Variants in EML5 observed in about 807,000 individuals in gnomAD.
EML5 encodes the protein echinoderm microtubule-associated protein-like 5.
EML5 carries 120 observed loss-of-function variants against 250.0 expected under a neutral mutation model. That is an observed-to-expected ratio of 0.48 (90% CI 0.41 to 0.56). The LOEUF is 0.56. EML5 is among the 20% of genes least tolerant of loss of function. The pLI is 0.00. For missense variants in EML5, 2,006 were observed against 2,437.6 expected, an observed-to-expected ratio of 0.82 and a Z score of 3.73; for synonymous variants, 771 against 806.5, an observed-to-expected ratio of 0.96 and a Z score of 0.75.
At chr14:88,743,939 G>T in intron 4 of EML5, 84 bp downstream of exon 4, 1 of 830,172 alleles carries the variant, frequency 1.2e-6, no homozygotes, top group Non-Finnish European at 1.7e-6. Context: ...AATTCTGAAA[G>T]TAGGCTAAAT....
intron 17 of EML5, among the ~76,000 whole-genome samples, chr14:88,693,665 T>C (rs1288131984): frequency 6.6e-6 from 1 of 150,500 alleles, no homozygotes; most frequent in African/African-American, 2.4e-5. Flanking sequence ...TTTTAAAAAA[T>C]AAACTAATTT....
chr14:88,698,303 G>A (rs1038549189), intron 14 of EML5, among the ~76,000 whole-genome samples: 9 of 118,878 alleles, frequency 7.6e-5, no homozygotes, highest in African/African-American at 3.1e-4. Context: ...TTTCACTCCT[G>A]TTGCCCTGCT....
In EML5 at chr14:88,702,455, T is replaced by C. The variant is rs760228920; in HGVS notation, c.2229A>G (p.Ala743=). The change falls in exon 14 of 44, where the codon GCA becomes GCG. Residue 743 remains alanine (A), a synonymous_variant. Coordinates refer to ENST00000554922, the MANE Select transcript of EML5 (RefSeq NM_183387.3). ...AGTCTTTCAAACCTACCTGGCCTGT[T>C]GCCACGTAGTCTTTCAAAGGATGAA... ...LTIHPLKDYV[A]TGQVGRDPSI... The C allele has an allele frequency of 1.2e-6, 2 of 1,609,686 alleles. No homozygotes were observed. Among genetic ancestry groups the C allele is most frequent in the Admixed American group, 3.4e-5 (2 of 59,328 alleles).
In EML5 at chr14:88,740,575, AAAAGGT is replaced by A; in HGVS notation, c.526-9_526-4del. 1.2e-6 allele frequency: 2 copies of A among 1,602,624 alleles called. No individual in the cohort carries two copies. Among genetic ancestry groups the A allele is most frequent in the Non-Finnish European group, 1.7e-6 (2 of 1,175,392 alleles). Reference sequence around the variant, plus strand: ...GCATTTCCACATAAACTCCAGAACTAAAAGGTATATAGTATAATCAAATTACCAAAG... The same window carrying A: ...GCATTTCCACATAAACTCCAGAACTAATATAGTATAATCAAATTACCAAAG... On this transcript the variant is annotated splice_polypyrimidine_tract_variant and splice_region_variant and intron_variant, in intron 4 of 43. Coordinates refer to ENST00000554922, the MANE Select transcript of EML5 (RefSeq NM_183387.3).
intron 24 of EML5, 33 bp downstream of exon 24, chr14:88,662,998 T>A: frequency 6.7e-7 from 1 of 1,490,024 alleles, no homozygotes. Context: ...TTTATTCACA[T>A]GAACAACACT....
At chr14:88,786,431 G>C (rs1427202785) in intron 1 of EML5, among the ~76,000 whole-genome samples, 2 of 152,204 alleles carry the variant, frequency 1.3e-5, no homozygotes, top group Non-Finnish European at 2.9e-5. Context: ...GATAAGAATA[G>C]TCTTTGGCAA....
chr14:88,756,987 C>T (rs11847829), intron 1 of EML5, among the ~76,000 whole-genome samples: 101,179 of 152,064 alleles, frequency 0.67, 35,880 homozygotes, highest in East Asian at 0.94. Context: ...ATTCTAAAAT[C>T]CAGAAAGACT....
intron 21 of EML5, among the ~76,000 whole-genome samples, chr14:88,673,251 T>A (rs1443449277): frequency 2.0e-5 from 3 of 152,190 alleles, no homozygotes; most frequent in Non-Finnish European, 2.9e-5. Flanking sequence ...TCAATAAACA[T>A]AATTCATCAC....
chr14:88,709,498 A>T (rs1172067100), intron 10 of EML5, among the ~76,000 whole-genome samples: 1 of 152,204 alleles, frequency 6.6e-6, no homozygotes, highest in Non-Finnish European at 1.5e-5. Context: ...ATTTTAAAAG[A>T]TGGTTAACCT....
chr14:88,706,486 A>C, intron 10 of EML5, 60 bp from the exon 11 acceptor site: 16 of 1,272,424 alleles, frequency 1.3e-5, no homozygotes, highest in Non-Finnish European at 1.7e-5. Context: ...ACCATTTCAA[A>C]CAATTTTTAT....
At chr14:88,694,796 T>C (rs2141327656) in intron 16 of EML5, among the ~76,000 whole-genome samples, 1 of 152,334 alleles carries the variant, frequency 6.6e-6, no homozygotes, top group East Asian at 1.9e-4. Context: ...ATTATCTATA[T>C]GCTCCATAAA....
intron 2 of EML5, among the ~76,000 whole-genome samples, chr14:88,752,468 G>A (rs2094110283): frequency 6.6e-6 from 1 of 152,056 alleles, no homozygotes; most frequent in Admixed American, 6.5e-5. Context: ...AGCAAAAATG[G>A]GATATGAATT....
chr14:88,662,330 A>ATTTTTTTT (rs1424224893), intron 24 of EML5, among the ~76,000 whole-genome samples: 1 of 102,286 alleles, frequency 9.8e-6, no homozygotes, highest in African/African-American at 4.2e-5. Flanking sequence ...ATGCAACACA[A>ATTTTTTTT]TTTTTCTTGT....
At chr14:88,618,989 G>T in intron 39 of EML5, 177 bp from the exon 40 acceptor site, 1 of 485,742 alleles carries the variant, frequency 2.1e-6, no homozygotes, top group Non-Finnish European at 3.4e-6. Flanking sequence ...CATGAAATAA[G>T]GAAGCTTTAT....
chr14:88,645,482 A>C (rs980749189), intron 29 of EML5, among the ~76,000 whole-genome samples: 1 of 152,252 alleles, frequency 6.6e-6, no homozygotes, highest in Admixed American at 6.5e-5. Context: ...TAAAGTATCT[A>C]ACAGAGTATC....
chr14:88,784,724 A>G (rs2094532987), intron 1 of EML5, among the ~76,000 whole-genome samples: 1 of 152,186 alleles, frequency 6.6e-6, no homozygotes, highest in Admixed American at 6.5e-5. Flanking sequence ...GGCAGTAACA[A>G]ATGCTGGAAA....
intron 14 of EML5, among the ~76,000 whole-genome samples, chr14:88,700,066 CTG>C (rs1339312401): frequency 6.6e-6 from 1 of 152,170 alleles, no homozygotes; most frequent in Non-Finnish European, 1.5e-5. Context: ...TGAGTTATCT[CTG>C]TGTTTCCCCA....
chr14:88,742,169 T>G (rs905060180), intron 4 of EML5, among the ~76,000 whole-genome samples: 1 of 152,234 alleles, frequency 6.6e-6, no homozygotes, highest in East Asian at 1.9e-4. Flanking sequence ...CCAAATTATT[T>G]TGATGCTCAG....
At chr14:88,623,017 CT>C (rs33958046) in intron 36 of EML5, 1,525 of 150,460 alleles carry the variant, frequency 0.01, 3 homozygotes, top group Middle Eastern at 0.012. Context: ...TCTCATAATA[CT>C]TTTTTTTTTT....
Sources: gnomAD v4.1 joint callset for allele counts (sites outside exome capture counted in the v4.1 genomes callset) on GRCh38, gnomAD v4.1.1 for gene constraint, MANE v1.5 for transcripts, NCBI Gene and HGNC (gene_info 2026-07-23, HGNC 2026-07-21) for gene names.